Variants in H2BC18 observed in about 807,000 individuals in gnomAD.
H2BC18 encodes the protein H2B clustered histone 18, also known as histone H2B type 2-F.
H2BC18 carries 8 observed loss-of-function variants against 6.3 expected under a neutral mutation model. The ratio of observed to expected loss-of-function variants is 1.28; its 90% CI spans 0.75 to 2.31. The LOEUF (loss-of-function observed/expected upper bound fraction) is 2.31, where lower values mean the gene tolerates loss of function less well. H2BC18 is among the 30% of genes most tolerant of loss of function. H2BC18 has a pLI of 0.00. For synonymous variants in H2BC18, 104 were observed against 78.1 expected (o/e 1.33, Z -1.75); for missense variants, 106 against 174.5 (o/e 0.61, Z 2.21).
At chr1:149,785,411 T>G (rs1200972368) in intron 1 of H2BC18, among the ~76,000 whole-genome samples, 165 of 127,274 alleles carry the variant, frequency 1.3e-3, no homozygotes, top group South Asian at 5.4e-3. Flanking sequence ...CTGTTTCGTT[T>G]TTTTTTTTTT....
chr1:149,794,286 AT>A (rs1297403353), intron 1 of H2BC18, among the ~76,000 whole-genome samples: 1 of 151,692 alleles, frequency 6.6e-6, no homozygotes, highest in Non-Finnish European at 1.5e-5. Context: ...GAACACGTAG[AT>A]TTTGGGTCAA....
Position 149,812,351 on chromosome 1 carries a change from T to A in H2BC18, c.-28A>T, listed in dbSNP as rs1553754683. 1 of 1,613,902 alleles carries A rather than the reference T, an allele frequency of 6.2e-7. No individual in the cohort carries two copies. On this transcript the variant is annotated 5_prime_UTR_variant, in exon 1 of 1. It adds an upstream start codon to the 5' untranslated region. Coordinates refer to ENST00000369167, the MANE Select transcript of H2BC18 (RefSeq NM_001024599.5). ...TTGCGCGAAAAAAGAGAAAAGAGAC[T>A]TAAAGAAGTAATCCGAACTACCGCA...
At chr1:149,795,827 C>G (rs671102) in intron 1 of H2BC18, among the ~76,000 whole-genome samples, 2 of 151,800 alleles carry the variant, frequency 1.3e-5, no homozygotes, top group Non-Finnish European at 2.9e-5. Flanking sequence ...CTGAGCCATG[C>G]GTACCTAAAA....
At chr1:149,810,170 C>G (rs1468635700), downstream of H2BC18, among the ~76,000 whole-genome samples, 1 of 152,074 alleles carries the variant, frequency 6.6e-6, no homozygotes, top group Admixed American at 6.5e-5. Context: ...GGACCCTAAG[C>G]TAGGAGGAAA....
In H2BC18 at chr1:149,804,622, A is replaced by C. The variant is rs1203384363; in HGVS notation, c.377+7325T>G. Among the ~76,000 whole-genome samples the C allele has an allele frequency of 1.9e-4, 28 of 148,190 alleles. No individual in the cohort carries two copies. The East Asian group carries it at 5.3e-3, about 28-fold the overall frequency. On this transcript the variant is annotated intron_variant, in intron 1 of 1. Transcript: ENST00000545683. ...CCTAACCATAACAATAATAAGAACAACACTGATCAAATATTTACCATGTTC... is the reference window on the plus strand; with the variant it reads ...CCTAACCATAACAATAATAAGAACACCACTGATCAAATATTTACCATGTTC...
At chr1:149,784,319 T>G in intron 1 of H2BC18, 1 of 1,611,312 alleles carries the variant, frequency 6.2e-7, no homozygotes, top group South Asian at 1.1e-5. Flanking sequence ...GTTCTCTCCT[T>G]TCTGGATGCC....
chr1:149,789,961 C>G lies in H2BC18; in HGVS notation c.378-6701G>C, dbSNP rs375609068. The stretch of plus-strand genomic sequence containing the variant: ...TGCCTTATGGATGCATTTTCTAGGG[C>G]CAGGTTTCCCAAGGGGGTAAAGGGC... On this transcript the variant is annotated intron_variant, in intron 1 of 1. Transcript: ENST00000545683. 23 of 1,609,912 alleles carry G rather than the reference C, an allele frequency of 1.4e-5. No homozygotes were observed. In the African/African-American group the frequency reaches 2.7e-4, roughly 19 times the overall value.
intron 1 of H2BC18, among the ~76,000 whole-genome samples, chr1:149,802,927 G>A (rs1376849520): frequency 5.3e-5 from 8 of 152,198 alleles, no homozygotes; most frequent in African/African-American, 1.9e-4. Flanking sequence ...TACCCTGGCA[G>A]CCGACTGGAT....
rs182046682 is a variant in H2BC18 at position 149,796,603 on chromosome 1, T to C, written c.378-13343A>G. On this transcript the variant is annotated intron_variant, in intron 1 of 1. Transcript: ENST00000545683. ...AATTCTAGTTTATTGTGACCAAAGA[T>C]TGTAAAATTTCAGGATATGGCTGAA... is the stretch of plus-strand genomic sequence containing the variant. 4.3e-3 allele frequency among the ~76,000 whole-genome samples: 648 copies of C among 152,336 alleles called. 4 individuals carry two copies. The highest frequency in any genetic ancestry group is 6.7e-3 in the Non-Finnish European group (453 of 68,024).
At chr1:149,794,018 T>C (rs694877) in intron 1 of H2BC18, 10 of 728,086 alleles carry the variant, frequency 1.4e-5, no homozygotes, top group African/African-American at 3.7e-5. Flanking sequence ...GAGGTATAGC[T>C]GACAGCTGGC....
intron 1 of H2BC18, among the ~76,000 whole-genome samples, chr1:149,806,037 G>A (rs2091913878): frequency 6.6e-6 from 1 of 152,134 alleles, no homozygotes; most frequent in South Asian, 2.1e-4. Flanking sequence ...AAGAGGGCAA[G>A]GGCAACACAT....
chr1:149,790,764 G>T (rs1286469482), intron 1 of H2BC18, among the ~76,000 whole-genome samples: 2 of 148,766 alleles, frequency 1.3e-5, no homozygotes, highest in Admixed American at 6.7e-5. Context: ...ATACGTCTGG[G>T]GATATAAAGA....
chr1:149,791,735 T>C, intron 1 of H2BC18: 1 of 599,252 alleles, frequency 1.7e-6, no homozygotes, highest in East Asian at 2.9e-5. Flanking sequence ...TAAAGAATTC[T>C]TGAAAAACTT....
At chr1:149,806,150 G>T (rs1445665083) in intron 1 of H2BC18, among the ~76,000 whole-genome samples, 1 of 151,770 alleles carries the variant, frequency 6.6e-6, no homozygotes, top group East Asian at 1.9e-4. Context: ...AGAGAAGCTG[G>T]TAAATTAGCC....
downstream of H2BC18, chr1:149,810,404 T>A (rs1403247141): frequency 6.6e-6 from 1 of 152,248 alleles, no homozygotes; most frequent in Non-Finnish European, 1.5e-5. Context: ...AAAAATCATG[T>A]ATACCGCATT....
intron 1 of H2BC18, chr1:149,793,244 G>A (rs1553752427): frequency 4.0e-6 from 5 of 1,256,494 alleles, no homozygotes; most frequent in South Asian, 1.3e-5. Context: ...CGGAGGCGGC[G>A]GCGGCAGGGA....
intron 1 of H2BC18, chr1:149,786,558 T>C (rs587685511): frequency 1.8e-4 from 27 of 152,318 alleles, no homozygotes; most frequent in African/African-American, 6.0e-4. Flanking sequence ...GTCATTTCAA[T>C]TTAATCAGTA....
At chr1:149,791,179 A>G (rs587659172) in intron 1 of H2BC18, 2 of 1,605,392 alleles carry the variant, frequency 1.2e-6, no homozygotes, top group Non-Finnish European at 1.7e-6. Context: ...AACATAACTC[A>G]GCTAGACCCC....
At chr1:149,789,037 G>A (rs2102051532) in intron 1 of H2BC18, among the ~76,000 whole-genome samples, 2 of 151,924 alleles carry the variant, frequency 1.3e-5, no homozygotes, top group Middle Eastern at 3.4e-3. Flanking sequence ...TACCTCTCAG[G>A]GACAAAGCAG....
Sources: gnomAD v4.1 joint callset for allele counts (sites outside exome capture counted in the v4.1 genomes callset) on GRCh38, gnomAD v4.1.1 for gene constraint, MANE v1.5 for transcripts, NCBI Gene and HGNC (gene_info 2026-07-23, HGNC 2026-07-21) for gene names.